TRPM3: variants seen among roughly 807,000 people sequenced by gnomAD.
The protein encoded by TRPM3 is transient receptor potential cation channel subfamily M member 3.
In TRPM3, 77 loss-of-function variants were observed where a neutral mutation model predicts 181.2. The ratio of observed to expected loss-of-function variants is 0.42; its 90% confidence interval spans 0.35 to 0.51. TRPM3 has a LOEUF of 0.51. TRPM3 is among the 20% of genes least tolerant of loss of function. TRPM3 has a pLI of 0.01. For synonymous variants in TRPM3, 745 were observed against 796.4 expected, an observed-to-expected ratio of 0.94 and a Z score of 1.09; for missense variants, 1,759 against 2,196.7, an observed-to-expected ratio of 0.80 and a Z score of 3.98.
At chr9:70,671,505 C>G (rs998523587) in intron 9 of TRPM3, among the ~76,000 whole-genome samples, 2 of 151,022 alleles carry the variant, frequency 1.3e-5, no homozygotes. Flanking sequence ...AGTACAAAAC[C>G]ATTAAAATTA....
At chr9:71,091,809 C>T (rs995095588) in intron 1 of TRPM3, among the ~76,000 whole-genome samples, 3 of 151,946 alleles carry the variant, frequency 2.0e-5, no homozygotes, top group African/African-American at 2.4e-5. Flanking sequence ...GATCGGTTTT[C>T]GAGCATCATC....
chr9:71,416,117 G>A (rs1301881659), intron 1 of TRPM3, among the ~76,000 whole-genome samples: 1 of 151,208 alleles, frequency 6.6e-6, no homozygotes, highest in African/African-American at 2.4e-5. Context: ...AAAAAGACCT[G>A]GTAGTTTAAC....
chr9:71,223,621 C>T (rs1025826341), intron 1 of TRPM3, among the ~76,000 whole-genome samples: 1 of 152,182 alleles, frequency 6.6e-6, no homozygotes, highest in African/African-American at 2.4e-5. Context: ...AATTCCAGGC[C>T]TTGGCTCTTG....
intron 1 of TRPM3, among the ~76,000 whole-genome samples, chr9:71,155,962 G>A (rs950228050): frequency 1.3e-5 from 2 of 152,090 alleles, no homozygotes; most frequent in African/African-American, 2.4e-5. Context: ...TGAGACTGAA[G>A]TGAGCTTGGC....
intron 8 of TRPM3, among the ~76,000 whole-genome samples, chr9:70,755,078 A>C (rs1564139663): frequency 6.6e-6 from 1 of 152,182 alleles, no homozygotes; most frequent in Non-Finnish European, 1.5e-5. Flanking sequence ...TGATTTAAAA[A>C]TTTCTAACTT....
chr9:71,034,910 A>G (rs1335777031), intron 1 of TRPM3, among the ~76,000 whole-genome samples: 2 of 152,100 alleles, frequency 1.3e-5, no homozygotes, highest in Non-Finnish European at 2.9e-5. Flanking sequence ...ATTCAAAATA[A>G]CTTTAAATTT....
chr9:71,407,846 A>T (rs1235211142), intron 1 of TRPM3, among the ~76,000 whole-genome samples: 2 of 152,188 alleles, frequency 1.3e-5, no homozygotes. Context: ...GACACCTCAT[A>T]CAGCCGGGTG....
intron 1 of TRPM3, among the ~76,000 whole-genome samples, chr9:71,298,970 ATAC>A (rs1251883556): frequency 6.6e-6 from 1 of 152,176 alleles, no homozygotes; most frequent in Non-Finnish European, 1.5e-5. Context: ...CAGGAAGGTA[ATAC>A]TAGATAAATC....
At chr9:70,551,973 G>A (rs775808844) in intron 24 of TRPM3, among the ~76,000 whole-genome samples, 2 of 152,238 alleles carry the variant, frequency 1.3e-5, no homozygotes, top group Non-Finnish European at 2.9e-5. Flanking sequence ...ATTTAGAGAA[G>A]CTGTTGACCA....
At chr9:70,817,841 T>A (rs985949800) in intron 6 of TRPM3, among the ~76,000 whole-genome samples, 4 of 151,958 alleles carry the variant, frequency 2.6e-5, no homozygotes, top group African/African-American at 7.2e-5. Flanking sequence ...AAAATAAATA[T>A]GTCATATTTA....
intron 1 of TRPM3, chr9:70,917,143 A>T (rs1397553028): frequency 2.5e-6 from 4 of 1,605,844 alleles, no homozygotes; most frequent in Non-Finnish European, 3.4e-6. Context: ...GTTCGGCCAC[A>T]TCTGGGGCAT....
At chr9:71,428,117 G>A (rs2093897700) in intron 1 of TRPM3, among the ~76,000 whole-genome samples, 2 of 151,892 alleles carry the variant, frequency 1.3e-5, no homozygotes, top group Admixed American at 1.3e-4. Context: ...TTGAGACAGA[G>A]TTTCATTCTT....
intron 20 of TRPM3, 137 bp downstream of exon 20, chr9:70,603,205 A>G: frequency 9.4e-7 from 1 of 1,059,174 alleles, no homozygotes; most frequent in Non-Finnish European, 1.4e-6. Context: ...CAGAGGAGCA[A>G]AGAAGCAGCT....
At chr9:71,400,906 A>T (rs1366025153) in intron 1 of TRPM3, among the ~76,000 whole-genome samples, 1 of 152,116 alleles carries the variant, frequency 6.6e-6, no homozygotes, top group Non-Finnish European at 1.5e-5. Context: ...CACATTTATT[A>T]AGAATCAATT....
chr9:70,968,535 T>A (rs1289775434), intron 1 of TRPM3, among the ~76,000 whole-genome samples: 1 of 152,180 alleles, frequency 6.6e-6, no homozygotes, highest in Admixed American at 6.5e-5. Flanking sequence ...GGGTTCATAT[T>A]GCACATTGTA....
intron 6 of TRPM3, among the ~76,000 whole-genome samples, chr9:70,823,102 C>T (rs575409369): frequency 1.3e-5 from 2 of 152,218 alleles, no homozygotes; most frequent in African/African-American, 4.8e-5. Flanking sequence ...TGCCCATGAG[C>T]CTCTCTGGGC....
intron 3 of TRPM3, among the ~76,000 whole-genome samples, chr9:70,852,049 G>A (rs1206432629): frequency 5.4e-5 from 8 of 147,584 alleles, no homozygotes; most frequent in Non-Finnish European, 1.2e-4. Flanking sequence ...AACCCAGGAG[G>A]TGGAGGTTGC....
At chr9:70,974,643 CG>C (rs2097284040) in intron 1 of TRPM3, among the ~76,000 whole-genome samples, 1 of 151,562 alleles carries the variant, frequency 6.6e-6, no homozygotes, top group African/African-American at 2.4e-5. Flanking sequence ...GCGGGAGAAT[CG>C]CTAGAACCCA....
chr9:70,996,455 A>T (rs1280470084), intron 1 of TRPM3, among the ~76,000 whole-genome samples: 1 of 152,222 alleles, frequency 6.6e-6, no homozygotes, highest in Non-Finnish European at 1.5e-5. Flanking sequence ...CCAAGTGAAC[A>T]AGACACTGAA....
Sources: gnomAD v4.1 joint callset for allele counts (sites outside exome capture counted in the v4.1 genomes callset) on GRCh38, gnomAD v4.1.1 for gene constraint, MANE v1.5 for transcripts, NCBI Gene and HGNC (gene_info 2026-07-23, HGNC 2026-07-21) for gene names.